Variants in INTS9 observed in about 807,000 individuals in gnomAD.
INTS9 encodes protein related to CPSF subunits of 74 kDa.
A neutral mutation model predicts 79.7 loss-of-function variants in INTS9; 55 were observed. That is an observed-to-expected ratio of 0.69 (90% CI 0.56 to 0.86). The LOEUF is 0.86. Ranked by LOEUF, INTS9 falls within the 40% of genes least tolerant of loss-of-function variation. The pLI is 0.00. For missense variants in INTS9, 721 were observed against 831.5 expected (o/e 0.87, Z 1.64); for synonymous variants, 319 against 325.2 (o/e 0.98, Z 0.20).
intron 10 of INTS9, among the ~76,000 whole-genome samples, chr8:28,790,918 G>A (rs575374384): frequency 1.4e-3 from 208 of 152,172 alleles, no homozygotes; most frequent in South Asian, 7.9e-3. Context: ...ATGCCCTCAG[G>A]GACAAAACCA....
At chr8:28,780,425 T>C (rs1364602794) in intron 12 of INTS9, 18 of 985,176 alleles carry the variant, frequency 1.8e-5, no homozygotes, top group Non-Finnish European at 2.2e-5. Context: ...CCTGAGGGAT[T>C]TGTCTCCAGA....
At chr8:28,778,998 T>C in intron 12 of INTS9, among the ~76,000 whole-genome samples, 1 of 152,298 alleles carries the variant, frequency 6.6e-6, no homozygotes, top group Non-Finnish European at 1.5e-5. Context: ...TGCAAACCCA[T>C]TACCCAGAGT....
At chr8:28,778,008 A>C in intron 12 of INTS9, 55 bp from the exon 13 acceptor site, 1 of 1,516,776 alleles carries the variant, frequency 6.6e-7, no homozygotes, top group Non-Finnish European at 8.8e-7. Flanking sequence ...GGAGCTGCCA[A>C]GCCAGACAGC....
intron 6 of INTS9, among the ~76,000 whole-genome samples, chr8:28,815,579 C>A (rs552126327): frequency 6.6e-6 from 1 of 152,150 alleles, no homozygotes; most frequent in African/African-American, 2.4e-5. Flanking sequence ...CAGCAATATT[C>A]CAAAATCGGA....
At chr8:28,823,175 C>T (rs1805951456) in intron 6 of INTS9, among the ~76,000 whole-genome samples, 1 of 152,104 alleles carries the variant, frequency 6.6e-6, no homozygotes, top group Admixed American at 6.6e-5. Context: ...TGCCACCCTA[C>T]AATATGCCAC....
At chr8:28,880,600 G>C (rs1269201250) in intron 1 of INTS9, among the ~76,000 whole-genome samples, 2 of 150,598 alleles carry the variant, frequency 1.3e-5, no homozygotes, top group Admixed American at 6.6e-5. Context: ...GCGTGATCTC[G>C]GCTCGCTACA....
At chr8:28,859,829 A>G (rs189144777) in intron 1 of INTS9, among the ~76,000 whole-genome samples, 1 of 152,304 alleles carries the variant, frequency 6.6e-6, no homozygotes, top group African/African-American at 2.4e-5. Flanking sequence ...GTTATTCAAA[A>G]TAGAAGGTTT....
At chr8:28,835,811 A>C (rs1806777304) in intron 5 of INTS9, among the ~76,000 whole-genome samples, 1 of 151,632 alleles carries the variant, frequency 6.6e-6, no homozygotes, top group Non-Finnish European at 1.5e-5. Context: ...ATATTAAGTG[A>C]ACTTTTTTTT....
chr8:28,787,114 T>C (rs944863245), intron 11 of INTS9, among the ~76,000 whole-genome samples: 5 of 152,200 alleles, frequency 3.3e-5, no homozygotes, highest in East Asian at 1.9e-4. Context: ...GTTAGCTTCA[T>C]TGTAGTAGAG....
At position 28,769,901 on chromosome 8, in the gene INTS9, C is replaced by G; in HGVS notation, c.1788G>C (p.Gln596His). Residue 596 changes from glutamine (Q) to histidine (H), a missense_variant, in exon 16 of 17, where the codon CAG becomes CAC. By Grantham distance (24) the Gln-to-His change is conservative. Transcript: ENST00000521022. ...GAAACCAGCTCACCTTCTCCAGGGT[C>G]TGCACGAACTGCTCCACAGGGATGG... ...SGSIPVEQFV[Q>H]TLEKHGFSDI... 3 of 1,614,156 alleles carry G rather than the reference C, an allele frequency of 1.9e-6. No homozygotes were observed. Among genetic ancestry groups the G allele is most frequent in the Non-Finnish European group, 2.5e-6 (3 of 1,179,996 alleles).
intron 1 of INTS9, among the ~76,000 whole-genome samples, chr8:28,863,459 C>T (rs1222659570): frequency 6.6e-6 from 1 of 152,116 alleles, no homozygotes; most frequent in African/African-American, 2.4e-5. Context: ...TAAAATATAA[C>T]AATACAGCAA....
chr8:28,794,724 A>G (rs987532172), intron 9 of INTS9, among the ~76,000 whole-genome samples: 1 of 152,228 alleles, frequency 6.6e-6, no homozygotes, highest in African/African-American at 2.4e-5. Flanking sequence ...GGAAAATGCC[A>G]GAGAACATGT....
rs781399443 is a variant in INTS9 at position 28,793,794 on chromosome 8, A to AC, written c.1037+12dup. On this transcript the variant is annotated intron_variant, in intron 10 of 16. Transcript: ENST00000521022. ...ATAAAATTCACAAAAAAAAAAAAAAACCACGGACATACCACTCAGCAAAGA... is the reference window on the plus strand; with the variant it reads ...ATAAAATTCACAAAAAAAAAAAAAAACCCACGGACATACCACTCAGCAAAGA... 6.4e-7 allele frequency: 1 copy of AC among 1,553,710 alleles called. No individual in the cohort carries two copies. The highest frequency in any genetic ancestry group is 2.3e-5 in the East Asian group (1 of 44,158).
chr8:28,816,868 T>C (rs1233499674), intron 6 of INTS9, among the ~76,000 whole-genome samples: 1 of 152,186 alleles, frequency 6.6e-6, no homozygotes, highest in African/African-American at 2.4e-5. Context: ...AGGTGGTATC[T>C]CATTGTGGTT....
At chr8:28,806,772 C>T (rs1162638009) in intron 8 of INTS9, among the ~76,000 whole-genome samples, 1 of 152,098 alleles carries the variant, frequency 6.6e-6, no homozygotes, top group African/African-American at 2.4e-5. Context: ...TGTAAAATAA[C>T]CTTTGGTTAT....
chr8:28,812,230 TG>T, intron 8 of INTS9, 96 bp downstream of exon 8: 1 of 1,237,754 alleles, frequency 8.1e-7, no homozygotes. Context: ...AAACCATATT[TG>T]GAAGATTTAA....
Position 28,767,882 on chromosome 8 carries a change from G to A in INTS9, c.*264C>T, listed in dbSNP as rs543517977. ...ATGAACCTCTTGGAAAACTTCTCCTGTCCCACTTCTGCCACCCTCCAGCTC... is the reference window on the plus strand; with the variant it reads ...ATGAACCTCTTGGAAAACTTCTCCTATCCCACTTCTGCCACCCTCCAGCTC... On this transcript the variant is annotated 3_prime_UTR_variant, in exon 17 of 17. Coordinates refer to ENST00000521022, the MANE Select transcript of INTS9 (RefSeq NM_018250.4). 1.1e-5 allele frequency: 5 copies of A among 451,666 alleles called. No individual in the cohort carries two copies. Among genetic ancestry groups the A allele is most frequent in the Non-Finnish European group, 1.6e-5 (4 of 245,770 alleles). The allele number at this position is 451,666 out of a possible 1,614,324, so 28.0% of individuals were successfully genotyped here.
chr8:28,809,726 C>T (rs1486544623), intron 8 of INTS9, among the ~76,000 whole-genome samples: 1 of 152,054 alleles, frequency 6.6e-6, no homozygotes, highest in Non-Finnish European at 1.5e-5. Context: ...TAGAAGCTGC[C>T]AATAAAAAAT....
chr8:28,835,442 A>G lies in INTS9; in HGVS notation c.402-64T>C, dbSNP rs112179984. ...AAATTAGAGAAACACCCCATACTCT[A>G]ACAGTTGGCCAGGAGAAATGACTTG... On this transcript the variant is annotated intron_variant, in intron 5 of 16. Transcript: ENST00000521022. 6 of 1,200,916 alleles carry G rather than the reference A, an allele frequency of 5.0e-6. No individual in the cohort carries two copies. The African/African-American group carries it at 7.5e-5, about 15-fold the overall frequency. 74.4% of individuals were successfully genotyped at this position (1,200,916 alleles called of 1,614,324 possible).
Sources: allele counts gnomAD v4.1 joint callset (sites outside exome capture counted in the v4.1 genomes callset), GRCh38; gene constraint gnomAD v4.1.1; transcripts MANE v1.5; gene names NCBI Gene and HGNC (gene_info 2026-07-23, HGNC 2026-07-21).